MIPOL1: variants seen among roughly 807,000 people sequenced by gnomAD.
The protein encoded by MIPOL1 is mirror-image polydactyly gene 1 protein.
A neutral mutation model predicts 60.9 loss-of-function variants in MIPOL1; 57 were observed. The observed-to-expected ratio is 0.94, with a 90% CI of 0.76 to 1.17. MIPOL1 has a LOEUF of 1.17. Among genes scored for constraint, MIPOL1 ranks in the 50% most tolerant of loss-of-function variants. The probability of loss-of-function intolerance (pLI) is 0.00; values close to 1 mark genes in which losing one functional copy is unlikely to be tolerated. For synonymous variants in MIPOL1, 179 were observed against 168.8 expected (o/e 1.06, Z -0.47); for missense variants, 551 against 511.6 (o/e 1.08, Z -0.74).
chr14:37,542,387 C>G (rs2095533155), intron 12 of MIPOL1, among the ~76,000 whole-genome samples: 1 of 152,092 alleles, frequency 6.6e-6, no homozygotes, highest in African/African-American at 2.4e-5. Flanking sequence ...ATTTCCATCC[C>G]CTCCTCTGGC....
intron 1 of MIPOL1, chr14:37,227,976 A>G (rs1970010279): frequency 6.6e-6 from 1 of 152,212 alleles, no homozygotes; most frequent in Non-Finnish European, 1.5e-5. Context: ...TAATCCAACT[A>G]GGATGGGGAT....
chr14:37,488,910 T>C (rs747204427), intron 11 of MIPOL1, among the ~76,000 whole-genome samples: 3 of 152,188 alleles, frequency 2.0e-5, no homozygotes, highest in Admixed American at 6.5e-5. Context: ...CTGATGATTA[T>C]GTGTCTTGGG....
chr14:37,478,873 T>C (rs1316842500), intron 11 of MIPOL1, among the ~76,000 whole-genome samples: 1 of 151,970 alleles, frequency 6.6e-6, no homozygotes, highest in Non-Finnish European at 1.5e-5. Flanking sequence ...TTTTAGACAA[T>C]ATAGACTTTA....
chr14:37,395,683 A>G (rs985880089), intron 10 of MIPOL1, among the ~76,000 whole-genome samples: 1 of 152,040 alleles, frequency 6.6e-6, no homozygotes, highest in East Asian at 1.9e-4. Context: ...TTTTGAGGTA[A>G]ACAATCATAT....
chr14:37,371,764 A>T (rs1017284396), intron 10 of MIPOL1, among the ~76,000 whole-genome samples: 1 of 152,126 alleles, frequency 6.6e-6, no homozygotes, highest in African/African-American at 2.4e-5. Context: ...CATTTGCTTT[A>T]TTCTGAATCA....
At chr14:37,362,181 A>G (rs2092292914) in intron 9 of MIPOL1, among the ~76,000 whole-genome samples, 1 of 152,150 alleles carries the variant, frequency 6.6e-6, no homozygotes, top group Non-Finnish European at 1.5e-5. Context: ...TTGCCCGTTA[A>G]TTGATGCAGT....
At chr14:37,320,945 T>C (rs993354380) in intron 9 of MIPOL1, among the ~76,000 whole-genome samples, 3 of 151,528 alleles carry the variant, frequency 2.0e-5, no homozygotes, top group Admixed American at 6.6e-5. Context: ...TTCTGTTCCA[T>C]TGTTGTAGGT....
At chr14:37,416,545 T>C (rs1488981471) in intron 10 of MIPOL1, among the ~76,000 whole-genome samples, 1 of 152,178 alleles carries the variant, frequency 6.6e-6, no homozygotes, top group Non-Finnish European at 1.5e-5. Context: ...TGTCTACACA[T>C]AGAAAAAGTA....
intron 1 of MIPOL1, among the ~76,000 whole-genome samples, chr14:37,228,379 T>G (rs985301206): frequency 2.7e-5 from 4 of 150,156 alleles, no homozygotes; most frequent in Non-Finnish European, 5.9e-5. Flanking sequence ...GGAAGAGAAC[T>G]GACAGCCTTT....
intron 3 of MIPOL1, among the ~76,000 whole-genome samples, chr14:37,252,351 G>T (rs1422414687): frequency 2.0e-5 from 3 of 151,844 alleles, no homozygotes; most frequent in Non-Finnish European, 4.4e-5. Context: ...TGTGTAAATA[G>T]AATTCTTACA....
At chr14:37,522,294 G>A (rs1051692021) in intron 12 of MIPOL1, among the ~76,000 whole-genome samples, 2 of 151,898 alleles carry the variant, frequency 1.3e-5, no homozygotes, top group Admixed American at 6.6e-5. Context: ...ATAAGAAAAC[G>A]TTTTCCCAAA....
chr14:37,268,672 G>A lies in MIPOL1; in HGVS notation c.266G>A (p.Arg89Lys), dbSNP rs2083060763. ...CTTTATTACAGCGTTATGGAACATA[G>A]ACATAATGATATGCATTATGAATGT... The part of the protein sequence containing the change: ...TTEKYNVMEH[R>K]HNDMHYECMT... Residue 89 changes from arginine to lysine, a missense_variant, in exon 5 of 13, where the codon AGA becomes AAA. Coordinates refer to ENST00000684589, the MANE Select transcript of MIPOL1 (RefSeq NM_001388067.1). The A allele has an allele frequency of 6.9e-6, 11 of 1,589,420 alleles. No homozygotes were observed. The highest frequency in any genetic ancestry group is 9.4e-6 in the Non-Finnish European group (11 of 1,168,118).
intron 10 of MIPOL1, among the ~76,000 whole-genome samples, chr14:37,392,989 C>G (rs533690017): frequency 1.5e-4 from 23 of 152,152 alleles, no homozygotes; most frequent in South Asian, 1.2e-3. Flanking sequence ...TAAGATTATA[C>G]TGGATTAGGG....
chr14:37,244,566 A>AT (rs910246982), intron 1 of MIPOL1, among the ~76,000 whole-genome samples: 9 of 151,060 alleles, frequency 6.0e-5, no homozygotes, highest in African/African-American at 1.5e-4. Context: ...TAAATAGGTG[A>AT]TTTTTTCCAT....
chr14:37,515,840 A>G (rs1183359380), intron 12 of MIPOL1, among the ~76,000 whole-genome samples: 5 of 152,176 alleles, frequency 3.3e-5, no homozygotes, highest in Non-Finnish European at 7.4e-5. Context: ...TCAGATACAC[A>G]TATGGGTTTT....
intron 1 of MIPOL1, among the ~76,000 whole-genome samples, chr14:37,213,136 T>C (rs954136983): frequency 2.6e-5 from 4 of 152,130 alleles, no homozygotes; most frequent in Admixed American, 1.3e-4. Context: ...CTACAATAAA[T>C]ACCTAACTCT....
intron 3 of MIPOL1, among the ~76,000 whole-genome samples, chr14:37,264,863 G>A (rs1213771593): frequency 6.6e-6 from 1 of 151,968 alleles, no homozygotes; most frequent in Non-Finnish European, 1.5e-5. Context: ...TTGATGTTTG[G>A]CTCTCATTTC....
chr14:37,240,643 AC>A (rs1378038471), intron 1 of MIPOL1: 1 of 152,096 alleles, frequency 6.6e-6, no homozygotes, highest in Non-Finnish European at 1.5e-5. Flanking sequence ...TTAGGGCAAA[AC>A]GTTTCAGGAT....
At chr14:37,208,441 T>C (rs1236380660) in intron 1 of MIPOL1, among the ~76,000 whole-genome samples, 1 of 152,130 alleles carries the variant, frequency 6.6e-6, no homozygotes, top group Non-Finnish European at 1.5e-5. Flanking sequence ...AAATTAACTT[T>C]TAGAAAACAT....
Sources: allele counts gnomAD v4.1 joint callset (sites outside exome capture counted in the v4.1 genomes callset), GRCh38; gene constraint gnomAD v4.1.1; transcripts MANE v1.5; gene names NCBI Gene and HGNC (gene_info 2026-07-23, HGNC 2026-07-21).